Variants in MYZAP observed in about 807,000 individuals in gnomAD.
MYZAP encodes the protein GRINL1A complex locus upstream.
MYZAP carries 66 observed loss-of-function variants against 69.4 expected under a neutral mutation model. That is an observed-to-expected ratio of 0.95 (90% CI 0.78 to 1.17). The LOEUF is 1.17. Ranked by LOEUF, MYZAP falls within the 50% of genes most tolerant of loss-of-function variation. The pLI, the probability that MYZAP is intolerant of heterozygous loss-of-function variation, is 0.00. For synonymous variants in MYZAP, 256 were observed against 205.9 expected, an observed-to-expected ratio of 1.24 and a Z score of -2.09; for missense variants, 611 against 556.2, an observed-to-expected ratio of 1.10 and a Z score of -0.99.
intron 2 of MYZAP, among the ~76,000 whole-genome samples, chr15:57,615,989 G>A: frequency 6.6e-6 from 1 of 151,812 alleles, no homozygotes; most frequent in East Asian, 1.9e-4. Context: ...AATATAGAAA[G>A]GTATAAAGAA....
At chr15:57,626,444 A>G (rs1390141588) in intron 5 of MYZAP, among the ~76,000 whole-genome samples, 1 of 152,214 alleles carries the variant, frequency 6.6e-6, no homozygotes, top group Non-Finnish European at 1.5e-5. Context: ...GCATGTTGTT[A>G]TCTCACTTTG....
At chr15:57,633,813 G>A (rs1373966230) in intron 8 of MYZAP, 72 bp downstream of exon 8, 19 of 1,365,920 alleles carry the variant, frequency 1.4e-5, no homozygotes, top group Non-Finnish European at 1.8e-5. Context: ...AGATACGAGA[G>A]GCCCTGGATA....
chr15:57,603,507 C>G (rs933180971), intron 1 of MYZAP, among the ~76,000 whole-genome samples: 7 of 152,190 alleles, frequency 4.6e-5, no homozygotes, highest in African/African-American at 1.7e-4. Flanking sequence ...TCCTTACCCC[C>G]TGGTCACCAC....
chr15:57,663,448 G>T (rs1211033476), intron 11 of MYZAP, among the ~76,000 whole-genome samples: 2 of 152,196 alleles, frequency 1.3e-5, no homozygotes, highest in African/African-American at 4.8e-5. Context: ...GGGAAAATGA[G>T]ACAGGGAAGG....
At chr15:57,674,726 A>G (rs1205324596) in intron 11 of MYZAP, among the ~76,000 whole-genome samples, 1 of 152,210 alleles carries the variant, frequency 6.6e-6, no homozygotes, top group Admixed American at 6.5e-5. Flanking sequence ...ATAGATTACA[A>G]TATTTTGTTT....
rs147699742 is a variant in MYZAP, at chr15:57,673,685, C to T, written c.1204-1283C>T. 4.1e-3 allele frequency among the ~76,000 whole-genome samples: 624 copies of T among 152,246 alleles called. 1 individual carries two copies. The highest frequency in any genetic ancestry group is 0.01 in the Middle Eastern group (3 of 294). The stretch of plus-strand genomic sequence containing the variant: ...AGGATTCATTGACTTTTACATTGTA[C>T]GGAACATGGATTTTCACAAGAACTG... On this transcript the variant is annotated intron_variant, in intron 11 of 12. Coordinates refer to ENST00000267853, the MANE Select transcript of MYZAP (RefSeq NM_001018100.5).
At chr15:57,624,304 A>G (rs775679624) in intron 4 of MYZAP, among the ~76,000 whole-genome samples, 4 of 152,204 alleles carry the variant, frequency 2.6e-5, no homozygotes, top group Non-Finnish European at 5.9e-5. Flanking sequence ...TCAGAGTTCA[A>G]TTTATGGCTG....
At chr15:57,622,392 G>GT (rs2140400510) in intron 4 of MYZAP, among the ~76,000 whole-genome samples, 1 of 152,138 alleles carries the variant, frequency 6.6e-6, no homozygotes, top group Non-Finnish European at 1.5e-5. Flanking sequence ...AACAGGTTTT[G>GT]TTTTTTATAA....
At chr15:57,630,036 A>G (rs766805200) in intron 6 of MYZAP, among the ~76,000 whole-genome samples, 182 bp downstream of exon 6, 3 of 142,930 alleles carry the variant, frequency 2.1e-5, no homozygotes, top group Non-Finnish European at 3.0e-5. Flanking sequence ...TGGTACAATC[A>G]TGGCTCACTG....
intron 1 of MYZAP, among the ~76,000 whole-genome samples, chr15:57,593,185 G>GGCGCATGCGCGCGCGCGCGCGCGCGC (rs374704790): frequency 3.2e-5 from 1 of 31,676 alleles, no homozygotes; most frequent in African/African-American, 2.1e-4. Context: ...TGTGTACACA[G>GGCGCATGCGCGCGCGCGCGCGCGCGC]GCGCACACAC....
Position 57,639,571 on chromosome 15 carries a change from C to A in MYZAP, c.1119+26C>A, listed in dbSNP as rs959792059. ...GTAAGCATCTGCAAAAGGTCACAGG[C>A]CTGGGATTGCTTCCTGTGGTGGGGA... On this transcript the variant is annotated intron_variant, in intron 10 of 12. Transcript: ENST00000267853. The A allele has an allele frequency of 3.1e-6, 5 of 1,605,554 alleles. No homozygotes were observed. In the African/African-American group the frequency reaches 6.7e-5, roughly 21 times the overall value.
intron 10 of MYZAP, chr15:57,647,167 T>C (rs2140492394): frequency 2.0e-6 from 2 of 985,430 alleles, no homozygotes; most frequent in South Asian, 9.4e-5. Flanking sequence ...GCCTTTGCTT[T>C]CATTTAGATG....
chr15:57,629,641 G>A lies in MYZAP; in HGVS notation c.526-61G>A, dbSNP rs764329417. The stretch of plus-strand genomic sequence containing the variant: ...TGATAAGGGGATGCCCCAGCATGTG[G>A]TGCAGCCCATGTGTTTTCACGCCAC... On this transcript the variant is annotated intron_variant, in intron 5 of 12. Transcript: ENST00000267853. The A allele has an allele frequency of 1.0e-4, 159 of 1,574,882 alleles. 1 individual carries two copies. The highest frequency in any genetic ancestry group is 1.2e-4 in the Non-Finnish European group (143 of 1,164,618).
chr15:57,614,030 G>A (rs2140366476), intron 2 of MYZAP, among the ~76,000 whole-genome samples: 1 of 152,226 alleles, frequency 6.6e-6, no homozygotes, highest in Middle Eastern at 3.4e-3. Context: ...TTGACCAAAA[G>A]CATACTGATA....
At chr15:57,612,881 A>T (rs1180093873) in intron 2 of MYZAP, among the ~76,000 whole-genome samples, 9 of 151,646 alleles carry the variant, frequency 5.9e-5, no homozygotes, top group African/African-American at 2.2e-4. Flanking sequence ...CTTTCAGTTA[A>T]TTTTCCTTCT....
intron 12 of MYZAP, among the ~76,000 whole-genome samples, chr15:57,681,591 C>T (rs1318846098): frequency 2.0e-5 from 3 of 152,308 alleles, no homozygotes; most frequent in South Asian, 4.1e-4. Flanking sequence ...CAAGACCAGA[C>T]TGGCCCACCC....
chr15:57,683,208 C>G (rs1446547872), intron 12 of MYZAP, among the ~76,000 whole-genome samples: 1 of 152,150 alleles, frequency 6.6e-6, no homozygotes, highest in Non-Finnish European at 1.5e-5. Flanking sequence ...CCGCCAACTA[C>G]CAAGCTGCAG....
chr15:57,643,730 G>GT lies in MYZAP; in HGVS notation c.1119+4195dup, dbSNP rs1221479326. 3.4e-3 allele frequency among the ~76,000 whole-genome samples: 494 copies of GT among 145,698 alleles called. 1 individual carries two copies. The highest frequency in any genetic ancestry group is 4.1e-3 in the African/African-American group (162 of 39,046). ...TGAATAAACAGTAATTTCTTAAGAG[G>GT]TTTTTTTTTTGTTTTTTTTTTTTTT... On this transcript the variant is annotated intron_variant, in intron 10 of 12. Coordinates refer to ENST00000267853, the MANE Select transcript of MYZAP (RefSeq NM_001018100.5).
intron 7 of MYZAP, among the ~76,000 whole-genome samples, chr15:57,633,143 C>T (rs1438489690): frequency 6.6e-6 from 1 of 152,206 alleles, no homozygotes; most frequent in Non-Finnish European, 1.5e-5. Flanking sequence ...CCATGTCTGG[C>T]TCATCTGTGT....
Sources: allele counts gnomAD v4.1 joint callset (sites outside exome capture counted in the v4.1 genomes callset), GRCh38; gene constraint gnomAD v4.1.1; transcripts MANE v1.5; gene names NCBI Gene and HGNC (gene_info 2026-07-23, HGNC 2026-07-21).